Variants in CFAP61 observed in about 807,000 individuals in gnomAD.
CFAP61 encodes cilia and flagella associated protein 61.
In CFAP61, 107 loss-of-function variants were observed where a neutral mutation model predicts 135.6. That is an observed-to-expected ratio of 0.79 (90% CI 0.67 to 0.93). The LOEUF (loss-of-function observed/expected upper bound fraction) is 0.93, where lower values mean the gene tolerates loss of function less well. Among genes scored for constraint, CFAP61 ranks in the 40% least tolerant of loss-of-function variants. The pLI, the probability that CFAP61 is intolerant of heterozygous loss-of-function variation, is 0.00. For synonymous variants in CFAP61, 575 were observed against 578.5 expected, an observed-to-expected ratio of 0.99 and a Z score of 0.09; for missense variants, 1,507 against 1,556.2, an observed-to-expected ratio of 0.97 and a Z score of 0.53.
At chr20:20,142,566 C>T (rs142345576) in intron 8 of CFAP61, among the ~76,000 whole-genome samples, 15 of 152,268 alleles carry the variant, frequency 9.9e-5, no homozygotes, top group African/African-American at 2.6e-4. Context: ...CAGGCCTGGG[C>T]CAGGTCCGTT....
At chr20:20,270,341 A>C (rs2053245161) in intron 21 of CFAP61, among the ~76,000 whole-genome samples, 3 of 152,204 alleles carry the variant, frequency 2.0e-5, no homozygotes, top group Non-Finnish European at 4.4e-5. Context: ...ATGAAATGAC[A>C]GCAGAGCACA....
intron 10 of CFAP61, among the ~76,000 whole-genome samples, chr20:20,160,410 C>T (rs1473756794): frequency 6.6e-6 from 1 of 152,176 alleles, no homozygotes; most frequent in Non-Finnish European, 1.5e-5. Context: ...CAGATTCTGA[C>T]CAGTGAAGGA....
At chr20:20,290,517 A>G in intron 24 of CFAP61, 126 bp downstream of exon 24, 3 of 670,920 alleles carry the variant, frequency 4.5e-6, no homozygotes, top group Non-Finnish European at 7.8e-6. Flanking sequence ...CCACTGGAGT[A>G]ATCGTCCCCC....
chr20:20,244,989 C>T (rs1188786180), intron 18 of CFAP61, among the ~76,000 whole-genome samples: 1 of 152,236 alleles, frequency 6.6e-6, no homozygotes, highest in Admixed American at 6.5e-5. Flanking sequence ...CACCTTTACT[C>T]CAGTTCCCAA....
intron 13 of CFAP61, chr20:20,172,299 A>AT (rs1447096130): frequency 3.2e-5 from 31 of 972,406 alleles, no homozygotes; most frequent in Admixed American, 2.7e-4. Context: ...GTTATGTTTG[A>AT]TTTTTTTGTT....
At chr20:20,309,720 T>G (rs1184624371) in intron 25 of CFAP61, among the ~76,000 whole-genome samples, 1 of 152,170 alleles carries the variant, frequency 6.6e-6, no homozygotes, top group East Asian at 1.9e-4. Flanking sequence ...AAAAAAAAAT[T>G]ATGTTTGGGA....
At chr20:20,235,083 C>A (rs1240310376) in intron 18 of CFAP61, among the ~76,000 whole-genome samples, 1 of 152,120 alleles carries the variant, frequency 6.6e-6, no homozygotes, top group Non-Finnish European at 1.5e-5. Context: ...GTGGAGGATG[C>A]CCTCTTCCCC....
intron 23 of CFAP61, 90 bp from the exon 24 acceptor site, chr20:20,290,210 G>A (rs961418463): frequency 8.6e-6 from 7 of 815,818 alleles, no homozygotes; most frequent in Admixed American, 1.8e-5. Context: ...GCCACTGCAG[G>A]CATCTGTTTG....
intron 2 of CFAP61, among the ~76,000 whole-genome samples, chr20:20,058,140 A>G (rs2044521007): frequency 6.6e-6 from 1 of 152,252 alleles, no homozygotes; most frequent in Non-Finnish European, 1.5e-5. Flanking sequence ...CTAAGACATT[A>G]AAGTTTGTAG....
At chr20:20,154,563 A>C (rs1463637947) in intron 9 of CFAP61, among the ~76,000 whole-genome samples, 6 of 152,130 alleles carry the variant, frequency 3.9e-5, no homozygotes, top group Non-Finnish European at 5.9e-5. Context: ...AACAGTGACC[A>C]AGCTGAGAAT....
In CFAP61 at chr20:20,203,801, TGCATGGA is replaced by T. The variant is rs1372672187; in HGVS notation, c.1932+3902_1932+3908del. 4.6e-5 allele frequency among the ~76,000 whole-genome samples: 7 copies of T among 152,310 alleles called. No individual in the cohort carries two copies. In the South Asian group the frequency reaches 1.5e-3, roughly 32 times the overall value. ...ATATGACTGTGTCACCATCCATGCC[TGCATGGA>T]GCTTCCAGTCTAGTTTCAGTATTAA... On this transcript the variant is annotated intron_variant, in intron 17 of 26. Transcript: ENST00000245957.
chr20:20,195,851 G>A (rs2056244046), intron 15 of CFAP61, among the ~76,000 whole-genome samples: 1 of 152,156 alleles, frequency 6.6e-6, no homozygotes, highest in African/African-American at 2.4e-5. Flanking sequence ...GGCCGAGACA[G>A]GCAGATCACT....
At chr20:20,213,387 G>A (rs765111472) in intron 17 of CFAP61, among the ~76,000 whole-genome samples, 6 of 151,990 alleles carry the variant, frequency 3.9e-5, no homozygotes, top group East Asian at 1.9e-4. Flanking sequence ...TGAAACCACC[G>A]TTGCTATTTC....
chr20:20,106,620 G>C (rs1360795868), intron 8 of CFAP61, among the ~76,000 whole-genome samples: 1 of 152,190 alleles, frequency 6.6e-6, no homozygotes, highest in East Asian at 1.9e-4. Context: ...TATGTGCTGG[G>C]ATTATTTTCT....
chr20:20,347,490 A>C (rs1220419147), intron 26 of CFAP61, among the ~76,000 whole-genome samples: 1 of 152,236 alleles, frequency 6.6e-6, no homozygotes, highest in African/African-American at 2.4e-5. Context: ...AGACTGCCTA[A>C]GAAAAAAGAC....
At chr20:20,123,971 GT>G (rs35528584) in intron 8 of CFAP61, among the ~76,000 whole-genome samples, 5,565 of 65,098 alleles carry the variant, frequency 0.085, 139 homozygotes, top group East Asian at 0.35. Context: ...ATATTCCTAA[GT>G]TTTTTTTTTT....
chr20:20,190,960 A>T (rs1173986112), intron 14 of CFAP61, among the ~76,000 whole-genome samples: 1 of 152,018 alleles, frequency 6.6e-6, no homozygotes, highest in Non-Finnish European at 1.5e-5. Context: ...CTCTACTAAA[A>T]ATACAAAAAT....
chr20:20,165,399 G>T (rs1350121122), intron 11 of CFAP61, among the ~76,000 whole-genome samples: 2 of 152,092 alleles, frequency 1.3e-5, no homozygotes, highest in Admixed American at 1.3e-4. Context: ...GAATATCTGA[G>T]CAGGGGATAA....
Position 20,298,706 on chromosome 20 carries a change from A to C in CFAP61, c.3422+320A>C, listed in dbSNP as rs994393864. ...CACGGGGCTGCTAAGAGCAGTGGTC[A>C]GAAATGTAGGAGGTCAATTTGGGAA... On this transcript the variant is annotated intron_variant, in intron 25 of 26. Coordinates refer to ENST00000245957, the MANE Select transcript of CFAP61 (RefSeq NM_015585.4). 3.3e-5 allele frequency among the ~76,000 whole-genome samples: 5 copies of C among 152,194 alleles called. No individual in the cohort carries two copies. In the East Asian group the frequency reaches 7.7e-4, roughly 23 times the overall value.
Sources: gnomAD v4.1 joint callset for allele counts (sites outside exome capture counted in the v4.1 genomes callset) on GRCh38, gnomAD v4.1.1 for gene constraint, MANE v1.5 for transcripts, NCBI Gene and HGNC (gene_info 2026-07-23, HGNC 2026-07-21) for gene names.